USP13: variants seen among roughly 807,000 people sequenced by gnomAD.
USP13 encodes the protein ubiquitin carboxyl-terminal hydrolase 13.
Under a neutral mutation model 107.8 loss-of-function variants are expected in USP13, and 68 were observed. The ratio of observed to expected loss-of-function variants is 0.63; its 90% confidence interval spans 0.52 to 0.77. The LOEUF (loss-of-function observed/expected upper bound fraction) is 0.77. Among genes scored for constraint, USP13 ranks in the 30% least tolerant of loss-of-function variants. USP13 has a pLI of 0.00. For missense variants in USP13, 945 were observed against 1,093.3 expected, an observed-to-expected ratio of 0.86 and a Z score of 1.91; for synonymous variants, 377 against 389.5, an observed-to-expected ratio of 0.97 and a Z score of 0.38.
At chr3:179,740,978 G>T (rs1212314694) in intron 11 of USP13, among the ~76,000 whole-genome samples, 3 of 151,948 alleles carry the variant, frequency 2.0e-5, no homozygotes, top group African/African-American at 7.3e-5. Flanking sequence ...TGTTGGTCAG[G>T]CTGGTTTTGA....
Position 179,668,138 on chromosome 3 carries a change from A to G in USP13, c.169-13740A>G, listed in dbSNP as rs1305589485. Reference sequence around the variant, plus strand: ...AAAGTCAGAGCAAGCTGGAGGAATCATTACTGCATTAACATTTCAACATTT... The same window carrying G: ...AAAGTCAGAGCAAGCTGGAGGAATCGTTACTGCATTAACATTTCAACATTT... On this transcript the variant is annotated intron_variant, in intron 1 of 20. Transcript: ENST00000263966. Among the ~76,000 whole-genome samples the G allele has an allele frequency of 2.0e-5, 3 of 152,128 alleles. No individual in the cohort carries two copies. The East Asian group carries it at 5.8e-4, about 29-fold the overall frequency.
rs927048216 is a variant in USP13 at position 179,660,054 on chromosome 3, A to C, written c.168+6661A>C. ...CGAGACTCTGTCTCAAAAAACAAAC[A>C]AACAAAACATTTTAACTCGATTTAA... On this transcript the variant is annotated intron_variant, in intron 1 of 20. Coordinates refer to ENST00000263966, the MANE Select transcript of USP13 (RefSeq NM_003940.3). 5.3e-5 allele frequency among the ~76,000 whole-genome samples: 8 copies of C among 152,314 alleles called. No individual in the cohort carries two copies. The South Asian group carries it at 6.2e-4, about 12-fold the overall frequency.
At chr3:179,683,028 T>G (rs962826706) in intron 2 of USP13, among the ~76,000 whole-genome samples, 1 of 152,086 alleles carries the variant, frequency 6.6e-6, no homozygotes, top group African/African-American at 2.4e-5. Flanking sequence ...ATCTAAATAT[T>G]TGGCACATCT....
At chr3:179,725,567 T>C in intron 8 of USP13, among the ~76,000 whole-genome samples, 1 of 152,204 alleles carries the variant, frequency 6.6e-6, no homozygotes, top group Non-Finnish European at 1.5e-5. Context: ...TTCTAGTAGT[T>C]AGGGAATCCA....
intron 5 of USP13, among the ~76,000 whole-genome samples, chr3:179,708,513 G>A (rs976287629): frequency 1.3e-5 from 2 of 151,940 alleles, no homozygotes; most frequent in African/African-American, 4.8e-5. Context: ...CGGGGGTTTC[G>A]CCATGTTGGC....
intron 19 of USP13, among the ~76,000 whole-genome samples, chr3:179,776,789 T>G (rs1715553282): frequency 6.6e-6 from 1 of 152,102 alleles, no homozygotes. Flanking sequence ...ATTTCAAAAT[T>G]TTGACTTTCA....
At chr3:179,774,073 G>C (rs887349021) in intron 19 of USP13, among the ~76,000 whole-genome samples, 1 of 152,164 alleles carries the variant, frequency 6.6e-6, no homozygotes, top group Non-Finnish European at 1.5e-5. Flanking sequence ...ATCTGCTTTT[G>C]AAGAGGCCTT....
chr3:179,666,661 C>A (rs141432740), intron 1 of USP13, among the ~76,000 whole-genome samples: 1,891 of 152,320 alleles, frequency 0.012, 14 homozygotes, highest in South Asian at 0.027. Flanking sequence ...GAAAGCTTGG[C>A]AGGGTGCCTG....
chr3:179,781,847 T>C, intron 20 of USP13, 24 bp downstream of exon 20: 2 of 1,595,560 alleles, frequency 1.3e-6, no homozygotes, highest in Non-Finnish European at 1.7e-6. Flanking sequence ...AGAAGGTAAA[T>C]GTTAGCTGTG....
At chr3:179,668,086 G>A (rs1720638223) in intron 1 of USP13, among the ~76,000 whole-genome samples, 1 of 152,214 alleles carries the variant, frequency 6.6e-6, no homozygotes, top group African/African-American at 2.4e-5. Context: ...TAATGCGTAG[G>A]AGTCCTCTGC....
chr3:179,697,694 A>T (rs1032917137), intron 3 of USP13, among the ~76,000 whole-genome samples: 1 of 152,126 alleles, frequency 6.6e-6, no homozygotes, highest in African/African-American at 2.4e-5. Context: ...GGGTGATGAG[A>T]CATGATTTAG....
chr3:179,755,802 C>G (rs1714770362), intron 15 of USP13, among the ~76,000 whole-genome samples: 1 of 152,170 alleles, frequency 6.6e-6, no homozygotes, highest in African/African-American at 2.4e-5. Context: ...CACTCTGGGA[C>G]CCTCTGCTAA....
At chr3:179,717,264 T>C (rs954767439) in intron 6 of USP13, among the ~76,000 whole-genome samples, 1 of 152,338 alleles carries the variant, frequency 6.6e-6, no homozygotes, top group Non-Finnish European at 1.5e-5. Flanking sequence ...ACTGAAAACT[T>C]TTTTTCTCTG....
At chr3:179,758,622 C>T (rs1431719181) in intron 16 of USP13, among the ~76,000 whole-genome samples, 3 of 151,688 alleles carry the variant, frequency 2.0e-5, no homozygotes, top group Non-Finnish European at 1.5e-5. Flanking sequence ...CCTCAGCCTC[C>T]CGAGTAGCTG....
intron 3 of USP13, among the ~76,000 whole-genome samples, chr3:179,695,452 C>G (rs1712289808): frequency 6.6e-6 from 1 of 152,028 alleles, no homozygotes; most frequent in African/African-American, 2.4e-5. Flanking sequence ...CACCCTGCCT[C>G]TCAGTGGTCA....
chr3:179,721,441 G>T lies in USP13; in HGVS notation c.940G>T (p.Val314Phe). 1 of 1,614,170 alleles carries T rather than the reference G, an allele frequency of 6.2e-7. No homozygotes were observed. The highest frequency in any genetic ancestry group is 1.7e-5 in the Admixed American group (1 of 60,014). Residue 314 changes from valine (V) to phenylalanine (F), a missense_variant, in exon 8 of 21, where the codon GTC becomes TTC. Transcript: ENST00000263966. This position sits in a 1 kb window ranked among gnomAD's most constrained non-coding sequence, Gnocchi z 4.3. ...CCAGGACAATGACATCAAGCTGAGGGTCAGTGAGTGGGAAGTGATCCAGGA... is the reference window on the plus strand; with the variant it reads ...CCAGGACAATGACATCAAGCTGAGGTTCAGTGAGTGGGAAGTGATCCAGGA... ...GLQDNDIKLR[V>F]SEWEVIQESG...
At chr3:179,710,250 G>GTTTA (rs1712874056) in intron 6 of USP13, among the ~76,000 whole-genome samples, 1 of 152,190 alleles carries the variant, frequency 6.6e-6, no homozygotes, top group Non-Finnish European at 1.5e-5. Flanking sequence ...ACAGCGCGGT[G>GTTTA]TTTACAGGTG....
At chr3:179,689,772 A>C (rs1712042868) in intron 2 of USP13, among the ~76,000 whole-genome samples, 1 of 152,196 alleles carries the variant, frequency 6.6e-6, no homozygotes, top group African/African-American at 2.4e-5. Flanking sequence ...ACATGACCAG[A>C]CTATCAATGA....
intron 6 of USP13, 125 bp from the exon 7 acceptor site, chr3:179,719,815 A>G (rs1474639872): frequency 1.8e-6 from 1 of 554,410 alleles, no homozygotes; most frequent in Non-Finnish European, 3.0e-6. Context: ...TGAATGTTAG[A>G]AAGTTTTCGT....
Sources: allele counts gnomAD v4.1 joint callset (sites outside exome capture counted in the v4.1 genomes callset), GRCh38; gene constraint gnomAD v4.1.1; non-coding constraint Gnocchi (gnomAD v3.1); transcripts MANE v1.5; gene names NCBI Gene and HGNC (gene_info 2026-07-23, HGNC 2026-07-21).